KANK1: variants seen among roughly 807,000 people sequenced by gnomAD.
KANK1 encodes the protein KN motif and ankyrin repeat domain-containing protein 1.
In KANK1, 109 loss-of-function variants were observed where a neutral mutation model predicts 106.2. The ratio of observed to expected loss-of-function variants is 1.03; its 90% CI spans 0.88 to 1.20. KANK1 has a LOEUF of 1.20. Among genes scored for constraint, KANK1 ranks in the 50% most tolerant of loss-of-function variants. The pLI, the probability that KANK1 is intolerant of heterozygous loss-of-function variation, is 0.00. For synonymous variants in KANK1, 873 were observed against 652.2 expected (o/e 1.34, Z -5.16); for missense variants, 2,399 against 1,710.7 (o/e 1.40, Z -7.10).
At chr9:697,631 C>G (rs1423795743) in intron 2 of KANK1, among the ~76,000 whole-genome samples, 1 of 152,026 alleles carries the variant, frequency 6.6e-6, no homozygotes, top group African/African-American at 2.4e-5. Flanking sequence ...TGGTGATTTT[C>G]TGTTGACATA....
At position 677,016 on chromosome 9, in the gene KANK1, C is replaced by G; in HGVS notation, c.37+7C>G. On this transcript the variant is annotated splice_region_variant and intron_variant, in intron 2 of 11. Transcript: ENST00000382297. ...GTTAACGGCAGTGCCTCAGGTAACC[C>G]TGTGCTCTGGAGTTTGTGTGTTAAA... is the stretch of plus-strand genomic sequence containing the variant. The G allele has an allele frequency of 6.2e-7, 1 of 1,612,788 alleles. No individual in the cohort carries two copies. The highest frequency in any genetic ancestry group is 8.5e-7 in the Non-Finnish European group (1 of 1,178,980).
At chr9:625,808 T>G (rs902624523) in intron 1 of KANK1, among the ~76,000 whole-genome samples, 2 of 152,192 alleles carry the variant, frequency 1.3e-5, no homozygotes, top group African/African-American at 4.8e-5. Flanking sequence ...TTGCACTGTG[T>G]ACTTAAAGTC....
chr9:495,815 C>T (rs1166243683), intron 3 of KANK1, among the ~76,000 whole-genome samples: 2 of 152,190 alleles, frequency 1.3e-5, no homozygotes, highest in Non-Finnish European at 2.9e-5. Context: ...CTCTGAGGCT[C>T]AAATGACAGC....
rs556705765 is a variant in KANK1 at position 727,500 on chromosome 9, G to C, written c.2699-2551G>C. 1.2e-3 allele frequency among the ~76,000 whole-genome samples: 185 copies of C among 151,952 alleles called. 1 individual carries two copies. Among genetic ancestry groups the C allele is most frequent in the African/African-American group, 4.3e-3 (179 of 41,454 alleles). On this transcript the variant is annotated intron_variant, in intron 3 of 11. Transcript: ENST00000382297. ...CCCAGCTAATTTTTGTATTTTTGTA[G>C]AGATGGAGTTTCACCATGTTGGCCA...
At chr9:690,069 C>CTT (rs1819501214) in intron 2 of KANK1, among the ~76,000 whole-genome samples, 7 of 144,598 alleles carry the variant, frequency 4.8e-5, no homozygotes, top group Non-Finnish European at 1.0e-4. Flanking sequence ...GGGTGGATCA[C>CTT]CTGAGGTCAG....
At chr9:493,369 A>G (rs1393945876) in intron 3 of KANK1, among the ~76,000 whole-genome samples, 2 of 152,068 alleles carry the variant, frequency 1.3e-5, no homozygotes, top group African/African-American at 4.8e-5. Flanking sequence ...GCCTTCTCAG[A>G]AGTGGATCCA....
At chr9:738,843 G>T (rs1158829538) in intron 8 of KANK1, among the ~76,000 whole-genome samples, 1 of 152,182 alleles carries the variant, frequency 6.6e-6, no homozygotes, top group Admixed American at 6.5e-5. Flanking sequence ...TGGCCGGTTT[G>T]CACTCAGGAG....
At chr9:683,645 G>T (rs1817994161) in intron 2 of KANK1, among the ~76,000 whole-genome samples, 1 of 152,180 alleles carries the variant, frequency 6.6e-6, no homozygotes, top group Non-Finnish European at 1.5e-5. Flanking sequence ...TCAGAAAACT[G>T]CATAAAACCC....
intron 1 of KANK1, among the ~76,000 whole-genome samples, chr9:595,640 C>G (rs1313277765): frequency 2.0e-5 from 3 of 151,850 alleles, no homozygotes; most frequent in Admixed American, 1.3e-4. Flanking sequence ...GTCCTCCCAC[C>G]TCAGTCTCCT....
At chr9:580,124 G>C (rs1393438124) in intron 1 of KANK1, among the ~76,000 whole-genome samples, 1 of 152,110 alleles carries the variant, frequency 6.6e-6, no homozygotes, top group African/African-American at 2.4e-5. Context: ...TAGGTTCGTG[G>C]TCTCACTGGC....
intron 3 of KANK1, chr9:476,589 C>G (rs1330674385): frequency 6.6e-6 from 1 of 152,150 alleles, no homozygotes; most frequent in Non-Finnish European, 1.5e-5. Context: ...ACCAAACCCC[C>G]TGCTTCCATC....
chr9:491,309 C>G (rs1299420156), intron 3 of KANK1, among the ~76,000 whole-genome samples: 1 of 150,418 alleles, frequency 6.6e-6, no homozygotes, highest in Non-Finnish European at 1.5e-5. Context: ...TGCTCTGTCA[C>G]CAGGCTGGTG....
chr9:587,712 A>G (rs974265056), intron 1 of KANK1, among the ~76,000 whole-genome samples: 3 of 152,182 alleles, frequency 2.0e-5, no homozygotes, highest in Non-Finnish European at 4.4e-5. Flanking sequence ...ATATATATTA[A>G]TTTATTCTCA....
chr9:603,742 G>A (rs1458802916), intron 1 of KANK1, among the ~76,000 whole-genome samples: 1 of 151,486 alleles, frequency 6.6e-6, no homozygotes, highest in Non-Finnish European at 1.5e-5. Flanking sequence ...GATCACCTGA[G>A]GTCTGGAGTC....
At chr9:511,415 A>G (rs1191287994) in intron 1 of KANK1, among the ~76,000 whole-genome samples, 1 of 152,110 alleles carries the variant, frequency 6.6e-6, no homozygotes, top group Non-Finnish European at 1.5e-5. Context: ...GGCTACTTTT[A>G]ATCTAGGATC....
intron 1 of KANK1, among the ~76,000 whole-genome samples, chr9:592,330 A>G (rs1269638117): frequency 6.6e-6 from 1 of 151,846 alleles, no homozygotes; most frequent in Non-Finnish European, 1.5e-5. Context: ...CCCAGGGAGC[A>G]GCGGGAAGCC....
chr9:693,730 T>G, intron 2 of KANK1: 5 of 985,404 alleles, frequency 5.1e-6, no homozygotes, highest in Non-Finnish European at 2.4e-6. Context: ...GAGGGAAGTT[T>G]GCCTGAGACC....
Position 517,688 on chromosome 9 carries a change from C to T in KANK1, c.-84+12934C>T, listed in dbSNP as rs77778767. ...CTGCCTGTTGTAGGGAAGGGTGTGC[C>T]GGTGGGTCACCTTTTGAGGTTAAGA... On this transcript the variant is annotated intron_variant, in intron 1 of 11. Transcript: ENST00000382297. 1.9e-3 allele frequency among the ~76,000 whole-genome samples: 287 copies of T among 150,278 alleles called. 10 individuals carry two copies. The highest frequency in any genetic ancestry group is 4.5e-3 in the African/African-American group (180 of 40,420).
chr9:730,207 C>T lies in KANK1; in HGVS notation c.2855C>T (p.Pro952Leu). 6.2e-7 allele frequency: 1 copy of T among 1,614,212 alleles called. No individual in the cohort carries two copies. Among genetic ancestry groups the T allele is most frequent in the Non-Finnish European group, 8.5e-7 (1 of 1,180,026 alleles). ...CCCACTCAGGAAGGTACGCTGTCTC[C>T]AGTGAACCTGACAGACGACCAGATC... ...AFPTQEGTLS[P>L]VNLTDDQIAA... Residue 952 changes from proline to leucine, a missense_variant, in exon 4 of 12, where the codon CCA (proline) becomes CTA (leucine). Transcript: ENST00000382297.
Sources: gnomAD v4.1 joint callset for allele counts (sites outside exome capture counted in the v4.1 genomes callset) on GRCh38, gnomAD v4.1.1 for gene constraint, MANE v1.5 for transcripts, NCBI Gene and HGNC (gene_info 2026-07-23, HGNC 2026-07-21) for gene names.